The following SAMMSON variants were observed in gnomAD, a reference collection of about 807,000 sequenced individuals.
The protein encoded by SAMMSON is survival associated mitochondrial melanoma specific oncogenic non-coding RNA, also known as long intergenic non-protein coding RNA 1212.
chr3:70,314,549 G>C (rs1337620744), intron 7 of SAMMSON, among the ~76,000 whole-genome samples: 1 of 152,048 alleles, frequency 6.6e-6, no homozygotes, highest in Admixed American at 6.6e-5. Context: ...GCAATGAGCA[G>C]AGACAACACA....
chr3:70,206,617 A>G, intron 4 of SAMMSON: 1 of 397,794 alleles, frequency 2.5e-6, no homozygotes, highest in Non-Finnish European at 4.4e-6. Context: ...AGGTAAGAAA[A>G]TGTTGTTTGG....
intron 4 of SAMMSON, among the ~76,000 whole-genome samples, chr3:70,220,534 C>A (rs1701452930): frequency 6.6e-6 from 1 of 152,152 alleles, no homozygotes; most frequent in African/African-American, 2.4e-5. Flanking sequence ...ATTGAATTTA[C>A]TACCAAAGCA....
intron 4 of SAMMSON, among the ~76,000 whole-genome samples, chr3:70,246,961 T>TCATGAA (rs1242166791): frequency 1.3e-5 from 2 of 152,078 alleles, no homozygotes; most frequent in African/African-American, 4.8e-5. Context: ...GATGGAATAT[T>TCATGAA]CATGAACAAT....
intron 4 of SAMMSON, among the ~76,000 whole-genome samples, chr3:70,147,215 C>G (rs528294249): frequency 6.6e-6 from 1 of 151,996 alleles, no homozygotes; most frequent in Non-Finnish European, 1.5e-5. Flanking sequence ...ATTGGAAGAT[C>G]TATACATAGT....
intron 4 of SAMMSON, among the ~76,000 whole-genome samples, chr3:70,152,232 CA>C (rs2067574865): frequency 6.6e-6 from 1 of 151,910 alleles, no homozygotes; most frequent in Non-Finnish European, 1.5e-5. Context: ...AAAAAATCAT[CA>C]AACAATTGGA....
At chr3:70,245,161 CTATT>C (rs1701694784) in intron 4 of SAMMSON, among the ~76,000 whole-genome samples, 1 of 152,070 alleles carries the variant, frequency 6.6e-6, no homozygotes, top group Admixed American at 6.6e-5. Flanking sequence ...AATACATTAA[CTATT>C]TAGGGTGCTT....
chr3:70,048,078 G>T (rs1254974890), intron 3 of SAMMSON, among the ~76,000 whole-genome samples: 1 of 151,902 alleles, frequency 6.6e-6, no homozygotes, highest in East Asian at 1.9e-4. Flanking sequence ...GACACATTTT[G>T]GTTAAGAGTT....
intron 4 of SAMMSON, among the ~76,000 whole-genome samples, chr3:70,085,328 T>G (rs936215661): frequency 2.6e-5 from 4 of 152,186 alleles, no homozygotes; most frequent in Admixed American, 2.6e-4. Context: ...TCTTTCTGGG[T>G]TCCCCCTTTT....
intron 2 of SAMMSON, among the ~76,000 whole-genome samples, chr3:70,425,570 C>T (rs1701357730): frequency 8.5e-6 from 1 of 117,650 alleles, no homozygotes; most frequent in Non-Finnish European, 1.8e-5. Context: ...CGCCACCACG[C>T]CCAGCTATTT....
intron 6 of SAMMSON, among the ~76,000 whole-genome samples, chr3:70,259,733 A>T (rs887444468): frequency 1.3e-5 from 2 of 152,178 alleles, no homozygotes; most frequent in Non-Finnish European, 2.9e-5. Context: ...AAATAACAGA[A>T]ATGTATTGTT....
chr3:70,173,664 C>G (rs528002263), intron 4 of SAMMSON, among the ~76,000 whole-genome samples: 1 of 151,964 alleles, frequency 6.6e-6, no homozygotes, highest in African/African-American at 2.4e-5. Flanking sequence ...TAGTTGCTCA[C>G]AATGATCACG....
intron 4 of SAMMSON, among the ~76,000 whole-genome samples, chr3:70,228,482 T>C (rs1340656274): frequency 6.6e-6 from 1 of 152,092 alleles, no homozygotes; most frequent in Non-Finnish European, 1.5e-5. Flanking sequence ...TATTTTAATA[T>C]AGTACAGTTT....
intron 4 of SAMMSON, among the ~76,000 whole-genome samples, chr3:70,171,620 G>C (rs9830677): frequency 6.6e-6 from 1 of 151,634 alleles, no homozygotes; most frequent in Non-Finnish European, 1.5e-5. Flanking sequence ...GTCTTTGGGG[G>C]GGGGAGCTTG....
At chr3:70,182,668 G>A (rs565160548) in intron 4 of SAMMSON, among the ~76,000 whole-genome samples, 7 of 152,252 alleles carry the variant, frequency 4.6e-5, no homozygotes, top group African/African-American at 1.4e-4. Context: ...AGCCCAATTT[G>A]GCTCAATTTG....
At chr3:70,289,073 G>T (rs1476111181) in intron 6 of SAMMSON, among the ~76,000 whole-genome samples, 2 of 151,706 alleles carry the variant, frequency 1.3e-5, no homozygotes, top group Non-Finnish European at 2.9e-5. Context: ...AAAGTTAATA[G>T]TGTTATGTGT....
At chr3:70,086,931 A>G (rs2106644502) in intron 4 of SAMMSON, among the ~76,000 whole-genome samples, 1 of 152,358 alleles carries the variant, frequency 6.6e-6, no homozygotes, top group African/African-American at 2.4e-5. Context: ...AAACTGAGGT[A>G]TAGAGAAAGT....
intron 4 of SAMMSON, chr3:70,172,308 A>C (rs1700965016): frequency 6.9e-6 from 1 of 145,920 alleles, no homozygotes; most frequent in Admixed American, 7.0e-5. Context: ...TGACAGTCTC[A>C]TGTTGGCCAT....
rs547698624 is a variant in SAMMSON, at chr3:70,053,855, T to A, written n.418-17621T>A. Among the ~76,000 whole-genome samples the A allele has an allele frequency of 3.7e-4, 56 of 152,260 alleles. 1 individual carries two copies. Among genetic ancestry groups the A allele is most frequent in the Non-Finnish European group, 7.4e-4 (50 of 68,012 alleles). On this transcript the variant is annotated intron_variant and non_coding_transcript_variant, in intron 3 of 9. Coordinates refer to ENST00000642114, the Ensembl canonical transcript of SAMMSON. ...AATTTAATTTCTCAGTCTATGTATG[T>A]CTTGGATAAGGTACAGTAATTATTA...
At chr3:70,091,740 T>C (rs1205221552) in intron 4 of SAMMSON, among the ~76,000 whole-genome samples, 6 of 152,154 alleles carry the variant, frequency 3.9e-5, no homozygotes, top group African/African-American at 1.4e-4. Flanking sequence ...TAGAGACTCA[T>C]AGGACAGGCA....
Sources: allele counts gnomAD v4.1 joint callset (sites outside exome capture counted in the v4.1 genomes callset), GRCh38; gene constraint gnomAD v4.1.1; transcripts MANE v1.5; gene names NCBI Gene and HGNC (gene_info 2026-07-23, HGNC 2026-07-21).